Variants in MICOS10 observed in about 807,000 individuals in gnomAD.
MICOS10 encodes the protein MICOS complex subunit MIC10.
MICOS10 carries 5 observed loss-of-function variants against 13.4 expected under a neutral mutation model. The ratio of observed to expected loss-of-function variants is 0.37; its 90% CI spans 0.20 to 0.78. MICOS10 has a LOEUF of 0.78. MICOS10 is among the 30% of genes least tolerant of loss of function. The pLI, the probability that MICOS10 is intolerant of heterozygous loss-of-function variation, is 0.47. For missense variants in MICOS10, 101 were observed against 94.6 expected, an observed-to-expected ratio of 1.07 and a Z score of -0.28; for synonymous variants, 35 against 33.6, an observed-to-expected ratio of 1.04 and a Z score of -0.15.
intron 1 of MICOS10, chr1:19,600,698 C>G: frequency 2.8e-6 from 1 of 362,714 alleles, no homozygotes; most frequent in Non-Finnish European, 5.5e-6. Context: ...ACCTCCAGAG[C>G]TCAGGTGATC....
intron 1 of MICOS10, among the ~76,000 whole-genome samples, chr1:19,618,464 T>C (rs2094892457): frequency 6.6e-6 from 1 of 152,070 alleles, no homozygotes; most frequent in Non-Finnish European, 1.5e-5. Flanking sequence ...CTGAAATCTT[T>C]TATCAGGGAG....
At chr1:19,607,295 G>A (rs2094839049) in intron 1 of MICOS10, among the ~76,000 whole-genome samples, 1 of 152,214 alleles carries the variant, frequency 6.6e-6, no homozygotes, top group African/African-American at 2.4e-5. Context: ...AATGTAATTA[G>A]GCGCTATGTG....
chr1:19,622,065 A>C, intron 1 of MICOS10, 35 bp from the exon 2 acceptor site: 2 of 1,540,248 alleles, frequency 1.3e-6, no homozygotes, highest in Non-Finnish European at 1.8e-6. Context: ...AGTTACTGCT[A>C]TGAGATTTAG....
chr1:19,617,309 C>T, intron 1 of MICOS10: 2 of 984,886 alleles, frequency 2.0e-6, no homozygotes, highest in Non-Finnish European at 2.4e-6. Flanking sequence ...GTTCCAGCCT[C>T]TGTCTAGTCC....
intron 1 of MICOS10, among the ~76,000 whole-genome samples, chr1:19,618,015 A>G (rs2094890583): frequency 1.3e-5 from 2 of 152,082 alleles, no homozygotes; most frequent in African/African-American, 4.8e-5. Context: ...AAGGGTAGGA[A>G]AAAACTGGTT....
chr1:19,618,285 T>A (rs1281789993), intron 1 of MICOS10, among the ~76,000 whole-genome samples: 3 of 149,034 alleles, frequency 2.0e-5, no homozygotes, highest in Admixed American at 1.3e-4. Context: ...TTTATTTATT[T>A]ATTATTATTA....
At chr1:19,609,773 G>A (rs1245388631) in intron 1 of MICOS10, among the ~76,000 whole-genome samples, 1 of 152,064 alleles carries the variant, frequency 6.6e-6, no homozygotes, top group East Asian at 1.9e-4. Context: ...ATTTACATAC[G>A]AATTTCTAGG....
intron 1 of MICOS10, among the ~76,000 whole-genome samples, chr1:19,615,487 A>G (rs1333209577): frequency 6.6e-6 from 1 of 152,082 alleles, no homozygotes; most frequent in African/African-American, 2.4e-5. Flanking sequence ...GCTAGTAAAT[A>G]ATCTAATAGT....
chr1:19,600,666 A>G (rs977344018), intron 1 of MICOS10: 3 of 342,746 alleles, frequency 8.8e-6, no homozygotes, highest in African/African-American at 4.3e-5. Context: ...CAGTGGTGCA[A>G]TCACAGCTCA....
Position 19,629,690 on chromosome 1 carries a change from A to G in MICOS10, c.*3289A>G, listed in dbSNP as rs2094932452. 1 of 152,206 alleles carries G rather than the reference A, an allele frequency of 6.6e-6. No individual in the cohort carries two copies. Among genetic ancestry groups the G allele is most frequent in the Non-Finnish European group, 1.5e-5 (1 of 68,028 alleles). The allele number at this position is 152,206 out of a possible 1,614,324, so 9.4% of individuals were successfully genotyped here. A position where few individuals can be genotyped will look rare whatever the true frequency, so the allele number is the denominator to read the frequency against. ...TGTAGTTTTGCTTTTAGTTTTCCCA[A>G]ACCTGTTTACATTTTTTAAAAATGT... On this transcript the variant is annotated 3_prime_UTR_variant, in exon 4 of 4. Coordinates refer to ENST00000322753, the MANE Select transcript of MICOS10 (RefSeq NM_001032363.4).
intron 1 of MICOS10, among the ~76,000 whole-genome samples, chr1:19,621,014 G>A (rs1039813540): frequency 4.6e-5 from 7 of 152,132 alleles, no homozygotes; most frequent in South Asian, 2.1e-4. Context: ...TCCCCATTCC[G>A]TTGCCTGGTT....
rs918951469 is a variant in MICOS10 at position 19,626,241 on chromosome 1, A to G, written c.223-146A>G. Reference sequence around the variant, plus strand: ...TCTTAGGAACCTAGGTAGGGTGTACATAGTCCTGTTGTGAGACAGTTTTAA... The same window carrying G: ...TCTTAGGAACCTAGGTAGGGTGTACGTAGTCCTGTTGTGAGACAGTTTTAA... On this transcript the variant is annotated intron_variant, in intron 3 of 3. Transcript: ENST00000322753. The G allele has an allele frequency of 1.4e-5, 12 of 866,820 alleles. No individual in the cohort carries two copies. In the East Asian group the frequency reaches 3.1e-4, roughly 23 times the overall value. 53.7% of individuals were successfully genotyped at this position (866,820 alleles called of 1,614,324 possible).
Position 19,624,540 on chromosome 1 carries a change from G to A in MICOS10, c.222+957G>A, listed in dbSNP as rs541889426. Among the ~76,000 whole-genome samples the A allele has an allele frequency of 1.1e-4, 17 of 152,150 alleles. No homozygotes were observed. In the South Asian group the frequency reaches 2.5e-3, roughly 22 times the overall value. On this transcript the variant is annotated intron_variant, in intron 3 of 3. Coordinates refer to ENST00000322753, the MANE Select transcript of MICOS10 (RefSeq NM_001032363.4). ...TGACCTCAGGTGATCCACCCGTCTC[G>A]GCCTCCCAAAGTGCTGGGATTATAG...
intron 1 of MICOS10, among the ~76,000 whole-genome samples, chr1:19,613,218 C>A (rs2094870640): frequency 6.6e-6 from 1 of 152,208 alleles, no homozygotes; most frequent in Non-Finnish European, 1.5e-5. Context: ...TGCTTTGGGG[C>A]TGCAGAAGCC....
chr1:19,625,457 G>C, intron 3 of MICOS10: 1 of 1,289,420 alleles, frequency 7.8e-7, no homozygotes, highest in South Asian at 1.2e-5. Context: ...GAGTAGGGGA[G>C]CCATCTCTGC....
chr1:19,606,316 G>C (rs1224408703), intron 1 of MICOS10, among the ~76,000 whole-genome samples: 1 of 149,234 alleles, frequency 6.7e-6, no homozygotes, highest in Non-Finnish European at 1.5e-5. Flanking sequence ...ACATTTTGTA[G>C]TTTCTTAATT....
chr1:19,613,601 C>G (rs911231767), intron 1 of MICOS10, among the ~76,000 whole-genome samples: 1 of 152,170 alleles, frequency 6.6e-6, no homozygotes, highest in Admixed American at 6.5e-5. Context: ...TTGGCTCCAA[C>G]ACTGGAACAG....
chr1:19,623,820 G>T, intron 3 of MICOS10: 1 of 348,138 alleles, frequency 2.9e-6, no homozygotes, highest in East Asian at 4.6e-5. Flanking sequence ...CTAGCCGATT[G>T]GAATTAAGGA....
intron 1 of MICOS10, among the ~76,000 whole-genome samples, chr1:19,610,500 T>C (rs1245254740): frequency 6.8e-6 from 1 of 146,370 alleles, no homozygotes; most frequent in Admixed American, 7.0e-5. Context: ...TGCCTCAGCC[T>C]CCTGAGCAGC....
Sources: allele counts gnomAD v4.1 joint callset (sites outside exome capture counted in the v4.1 genomes callset), GRCh38; gene constraint gnomAD v4.1.1; transcripts MANE v1.5; gene names NCBI Gene and HGNC (gene_info 2026-07-23, HGNC 2026-07-21).